IRAG2: variants seen among roughly 807,000 people sequenced by gnomAD.
The protein encoded by IRAG2 is inositol 1,4,5-triphosphate receptor associated 2, also known as lymphoid restricted membrane protein.
In IRAG2, 45 loss-of-function variants were observed where a neutral mutation model predicts 69.9. The observed-to-expected ratio is 0.64, with a 90% confidence interval of 0.51 to 0.83. The LOEUF is 0.83. Ranked by LOEUF, IRAG2 falls within the 40% of genes least tolerant of loss-of-function variation. The pLI is 0.00. For missense variants in IRAG2, 520 were observed against 587.0 expected (o/e 0.89, Z 1.18); for synonymous variants, 193 against 202.4 (o/e 0.95, Z 0.40).
intron 9 of IRAG2, among the ~76,000 whole-genome samples, chr12:25,027,940 A>T (rs1442341412): frequency 6.6e-6 from 1 of 151,270 alleles, no homozygotes; most frequent in Non-Finnish European, 1.5e-5. Context: ...TTATTTATTT[A>T]TTGAAACAGA....
intron 15 of IRAG2, among the ~76,000 whole-genome samples, chr12:25,100,692 T>C (rs989339005): frequency 6.6e-6 from 1 of 152,332 alleles, no homozygotes; most frequent in Admixed American, 6.5e-5. Flanking sequence ...TCATCAACTA[T>C]CTGTTCTTTC....
Position 25,104,419 on chromosome 12 carries a change from A to C in IRAG2, c.1105A>C (p.Thr369Pro). 6.2e-7 allele frequency: 1 copy of C among 1,613,490 alleles called. No individual in the cohort carries two copies. Among genetic ancestry groups the C allele is most frequent in the Admixed American group, 1.7e-5 (1 of 60,010 alleles). Residue 369 changes from threonine (T) to proline (P), a missense_variant, in exon 20 of 22, where the codon ACC (threonine) becomes CCC (proline). Transcript: ENST00000556887. ...HRPSLPRFIS[T>P]YSWADAEEEK... ...TCCCTCATTACCTCGATTTATTAGC[A>C]CCTATTCCTGGGCAGATGCTGAAGA... is the stretch of plus-strand genomic sequence containing the variant.
chr12:25,016,886 T>C (rs886308094), intron 5 of IRAG2, among the ~76,000 whole-genome samples: 6 of 152,188 alleles, frequency 3.9e-5, no homozygotes, highest in Non-Finnish European at 8.8e-5. Context: ...ACTGTAGAAG[T>C]TGATTTTACA....
chr12:25,040,013 C>G (rs111476772), intron 16 of IRAG2, among the ~76,000 whole-genome samples: 87 of 152,272 alleles, frequency 5.7e-4, no homozygotes, highest in African/African-American at 1.9e-3. Context: ...GAACCTGTGT[C>G]CTTTCGATGG....
chr12:25,007,189 T>C (rs181984394), intron 2 of IRAG2, among the ~76,000 whole-genome samples: 13 of 152,360 alleles, frequency 8.5e-5, no homozygotes, highest in African/African-American at 3.1e-4. Context: ...TCCTCTACTC[T>C]GGATTATTTT....
chr12:25,081,572 A>T (rs1947218199), intron 9 of IRAG2, among the ~76,000 whole-genome samples: 1 of 152,238 alleles, frequency 6.6e-6, no homozygotes, highest in Non-Finnish European at 1.5e-5. Flanking sequence ...ATGTGGAGAG[A>T]AATGTTCTAA....
At chr12:25,026,677 TA>T in intron 8 of IRAG2, 1 of 441,918 alleles carries the variant, frequency 2.3e-6, no homozygotes, top group Non-Finnish European at 3.7e-6. Context: ...GAATGGAAGA[TA>T]AAAAGGCAAT....
At position 25,069,348 on chromosome 12, in the gene IRAG2, A is replaced by C; in HGVS notation, c.-58-2A>C. On this transcript the variant is annotated splice_acceptor_variant, in intron 5 of 21. Coordinates refer to ENST00000556887, the MANE Select transcript of IRAG2 (RefSeq NM_001366544.2). LOFTEE classifies it low-confidence loss of function (5UTR_SPLICE). ...GTAAATAACTCTACTTCCTACTGCC[A>C]GGTGCCCAGGCCCCACAAGTGGCCC... The C allele has an allele frequency of 7.1e-7, 1 of 1,417,342 alleles. No homozygotes were observed. The highest frequency in any genetic ancestry group is 1.4e-5 in the African/African-American group (1 of 70,668). 87.8% of individuals were successfully genotyped at this position (1,417,342 alleles called of 1,614,324 possible).
intron 19 of IRAG2, 143 bp from the exon 20 acceptor site, chr12:25,104,218 C>A: frequency 1.2e-6 from 1 of 844,676 alleles, no homozygotes; most frequent in South Asian, 1.7e-5. Context: ...AGTTTTTTAT[C>A]ATAAAGTAGG....
In IRAG2 at chr12:25,047,229, A is replaced by T. The variant is rs537716998; in HGVS notation, c.2145-5006A>T. The stretch of plus-strand genomic sequence containing the variant: ...TAAAACTGAAAACACCTAGAAGAAA[A>T]CATGGGGGAAAGCTTCATAACATTG... On this transcript the variant is annotated intron_variant, in intron 16 of 38. Coordinates refer to the IRAG2 transcript ENST00000636465. 7.2e-5 allele frequency among the ~76,000 whole-genome samples: 11 copies of T among 152,338 alleles called. No individual in the cohort carries two copies. The South Asian group carries it at 2.3e-3, about 32-fold the overall frequency.
chr12:25,012,959 T>C (rs960237326), intron 3 of IRAG2, among the ~76,000 whole-genome samples: 1 of 152,206 alleles, frequency 6.6e-6, no homozygotes, highest in Non-Finnish European at 1.5e-5. Flanking sequence ...GAAGTCAAGA[T>C]AAATATATAG....
upstream of IRAG2, among the ~76,000 whole-genome samples, chr12:25,001,597 C>T (rs1216756026): frequency 6.6e-6 from 1 of 152,078 alleles, no homozygotes; most frequent in East Asian, 1.9e-4. Flanking sequence ...GCTTGAACAG[C>T]CTACCACATC....
intron 15 of IRAG2, among the ~76,000 whole-genome samples, chr12:25,097,803 A>G (rs992496028): frequency 6.6e-5 from 10 of 152,226 alleles, no homozygotes; most frequent in Non-Finnish European, 1.3e-4. Context: ...TAAAAGGTCA[A>G]TCAGCTCTAT....
At chr12:25,003,545 T>A (rs1944408320), upstream of IRAG2, among the ~76,000 whole-genome samples, 1 of 151,070 alleles carries the variant, frequency 6.6e-6, no homozygotes, top group Non-Finnish European at 1.5e-5. Context: ...TTAGGTAAAA[T>A]TTTGAATGTA....
intron 15 of IRAG2, among the ~76,000 whole-genome samples, chr12:25,099,692 T>C (rs1948630970): frequency 6.6e-6 from 1 of 152,116 alleles, no homozygotes; most frequent in East Asian, 1.9e-4. Flanking sequence ...TAAAACCCAA[T>C]GTCTTACTGT....
chr12:25,100,017 A>AAAAAAAAAAAAAAAAAAAAAG (rs1157551345), intron 15 of IRAG2, among the ~76,000 whole-genome samples: 1 of 150,356 alleles, frequency 6.7e-6, no homozygotes, highest in Non-Finnish European at 1.5e-5. Flanking sequence ...AAAAAAAAAA[A>AAAAAAAAAAAAAAAAAAAAAG]AAAAAAAATG....
intron 1 of IRAG2, among the ~76,000 whole-genome samples, chr12:25,054,700 A>G (rs1168872062): frequency 1.3e-5 from 2 of 152,162 alleles, no homozygotes; most frequent in Non-Finnish European, 2.9e-5. Context: ...GTCCAGATTT[A>G]TGAAATCCCT....
chr12:25,017,009 G>A, intron 5 of IRAG2: 3 of 546,020 alleles, frequency 5.5e-6, no homozygotes, highest in Middle Eastern at 5.3e-4. Context: ...TGACAGATGA[G>A]GGTAAAGTTA....
chr12:25,054,303 A>T (rs1945083793), intron 1 of IRAG2, among the ~76,000 whole-genome samples: 1 of 152,190 alleles, frequency 6.6e-6, no homozygotes, highest in African/African-American at 2.4e-5. Flanking sequence ...TGAGACATGA[A>T]TCATAAGGCA....
Sources: gnomAD v4.1 joint callset for allele counts (sites outside exome capture counted in the v4.1 genomes callset) on GRCh38, gnomAD v4.1.1 for gene constraint, MANE v1.5 for transcripts, NCBI Gene and HGNC (gene_info 2026-07-23, HGNC 2026-07-21) for gene names.